Variants in SPATA17 observed in about 807,000 individuals in gnomAD.
The protein encoded by SPATA17 is spermatogenesis-associated protein 17.
A neutral mutation model predicts 62.2 loss-of-function variants in SPATA17; 53 were observed. That is an observed-to-expected ratio of 0.85 (90% CI 0.68 to 1.07). The LOEUF (loss-of-function observed/expected upper bound fraction) is 1.07. SPATA17 is among the 50% of genes least tolerant of loss of function. SPATA17 has a pLI of 0.00. For missense variants in SPATA17, 466 were observed against 425.5 expected (o/e 1.10, Z -0.84); for synonymous variants, 146 against 146.8 (o/e 0.99, Z 0.04).
intron 9 of SPATA17, among the ~76,000 whole-genome samples, chr1:217,830,104 T>C (rs1414766035): frequency 2.6e-5 from 4 of 152,104 alleles, no homozygotes; most frequent in Non-Finnish European, 5.9e-5. Flanking sequence ...CATCCAACTT[T>C]TATTACTTCT....
rs1216791009 is a variant in SPATA17 at position 217,809,504 on chromosome 1, T to C, written c.1005+7654T>C. On this transcript the variant is annotated intron_variant, in intron 9 of 10. Transcript: ENST00000366933. ...GCTTCTGGTGAGGGCTTTTGTGCTG[T>C]GTCATAACATGGTGGAGAAGGTCAA... Among the ~76,000 whole-genome samples the C allele has an allele frequency of 3.9e-5, 6 of 152,272 alleles. No homozygotes were observed. The East Asian group carries it at 1.2e-3, about 29-fold the overall frequency.
At chr1:217,819,223 C>A (rs773797042) in intron 9 of SPATA17, among the ~76,000 whole-genome samples, 19 of 150,340 alleles carry the variant, frequency 1.3e-4, no homozygotes, top group Non-Finnish European at 1.9e-4. Flanking sequence ...TTCTATTTTG[C>A]TTATTTTCTT....
chr1:217,827,896 G>T (rs1279322970), intron 9 of SPATA17, among the ~76,000 whole-genome samples: 5 of 152,130 alleles, frequency 3.3e-5, no homozygotes, highest in Non-Finnish European at 7.3e-5. Flanking sequence ...AGAGCAGGGA[G>T]AGGGTAGAGC....
chr1:217,865,285 A>G (rs1675984724), intron 10 of SPATA17, among the ~76,000 whole-genome samples: 1 of 152,204 alleles, frequency 6.6e-6, no homozygotes, highest in African/African-American at 2.4e-5. Context: ...TTCACCCGAC[A>G]TCGCCTTTTA....
Position 217,696,448 on chromosome 1 carries a change from G to T in SPATA17, c.395+13087G>T, listed in dbSNP as rs60995280. Among the ~76,000 whole-genome samples, 1,256 of 152,258 alleles carry T rather than the reference G, an allele frequency of 8.2e-3. 18 individuals are homozygous for T. Among genetic ancestry groups the T allele is most frequent in the African/African-American group, 0.028 (1,176 of 41,566 alleles). ...TCAGATGGAAATGCAGAAATCACCC[G>T]TCTTCTGCGTCGCTCCGCTCACGCT... is the stretch of plus-strand genomic sequence containing the variant. On this transcript the variant is annotated intron_variant, in intron 5 of 10. Coordinates refer to ENST00000366933, the MANE Select transcript of SPATA17 (RefSeq NM_138796.4).
At chr1:217,645,431 C>A (rs778064732) in intron 1 of SPATA17, among the ~76,000 whole-genome samples, 4 of 151,922 alleles carry the variant, frequency 2.6e-5, no homozygotes, top group Non-Finnish European at 5.9e-5. Flanking sequence ...TGTCTATGTG[C>A]CTTACTCATA....
chr1:217,631,394 C>T lies in SPATA17; in HGVS notation c.16C>T (p.Arg6Trp). MATLA[R>W]LQARSSTVGN... ...CCAAGAGACCATGGCCACGTTAGCC[C>T]GGCTGCAAGCTAGGTCGTCGACTGT... The change falls in exon 1 of 11, where the codon CGG becomes TGG. Residue 6 changes from arginine (R) to tryptophan (W), a missense_variant. Transcript: ENST00000366933. 1.2e-6 allele frequency: 2 copies of T among 1,614,118 alleles called. No homozygotes were observed. The highest frequency in any genetic ancestry group is 1.7e-6 in the Non-Finnish European group (2 of 1,180,014).
intron 3 of SPATA17, among the ~76,000 whole-genome samples, chr1:217,652,993 T>C (rs1307835154): frequency 6.6e-6 from 1 of 152,236 alleles, no homozygotes; most frequent in African/African-American, 2.4e-5. Flanking sequence ...TGGTAGTTTT[T>C]CATTTGTGAT....
chr1:217,666,108 A>G (rs946939003), intron 3 of SPATA17, among the ~76,000 whole-genome samples: 7 of 152,246 alleles, frequency 4.6e-5, no homozygotes, highest in African/African-American at 1.7e-4. Flanking sequence ...TACTTCTTTT[A>G]TACTTAATTT....
intron 9 of SPATA17, among the ~76,000 whole-genome samples, chr1:217,802,403 TG>T (rs1157943480): frequency 1.3e-5 from 2 of 152,212 alleles, no homozygotes; most frequent in Non-Finnish European, 2.9e-5. Context: ...ATACTCAGAC[TG>T]CCACAACAAA....
At chr1:217,773,110 GT>G (rs1233378813) in intron 6 of SPATA17, among the ~76,000 whole-genome samples, 1 of 152,186 alleles carries the variant, frequency 6.6e-6, no homozygotes, top group East Asian at 1.9e-4. Context: ...TCCAGCCTGG[GT>G]AGGTATTTGA....
chr1:217,652,226 T>C (rs968945724), intron 3 of SPATA17, among the ~76,000 whole-genome samples: 1 of 152,160 alleles, frequency 6.6e-6, no homozygotes, highest in African/African-American at 2.4e-5. Context: ...CCAGTCTGAG[T>C]ATAGTATGTC....
chr1:217,725,082 G>A (rs1340531902), intron 5 of SPATA17, among the ~76,000 whole-genome samples: 1 of 152,028 alleles, frequency 6.6e-6, no homozygotes, highest in Non-Finnish European at 1.5e-5. Flanking sequence ...ATATTTTAGA[G>A]TTACTTTTGT....
intron 6 of SPATA17, among the ~76,000 whole-genome samples, chr1:217,755,341 G>A (rs142903226): frequency 6.6e-6 from 1 of 152,076 alleles, no homozygotes; most frequent in East Asian, 1.9e-4. Flanking sequence ...AGTATCACAA[G>A]AGACAGTAAA....
At chr1:217,843,923 G>A (rs1238207072) in intron 9 of SPATA17, among the ~76,000 whole-genome samples, 1 of 152,114 alleles carries the variant, frequency 6.6e-6, no homozygotes, top group Non-Finnish European at 1.5e-5. Context: ...CTGTGACAGT[G>A]CTGGAAAATG....
intron 8 of SPATA17, among the ~76,000 whole-genome samples, chr1:217,783,733 C>T (rs979380659): frequency 6.6e-5 from 10 of 152,016 alleles, no homozygotes; most frequent in Non-Finnish European, 1.3e-4. Context: ...ATTGATATTT[C>T]TACAGAAATC....
chr1:217,663,259 A>G (rs528021131), intron 3 of SPATA17, among the ~76,000 whole-genome samples: 10 of 152,264 alleles, frequency 6.6e-5, no homozygotes, highest in African/African-American at 1.9e-4. Flanking sequence ...AACCTGGCCA[A>G]CTTAGTGAAA....
chr1:217,650,951 C>A, intron 2 of SPATA17, 146 bp from the exon 3 acceptor site: 1 of 590,738 alleles, frequency 1.7e-6, no homozygotes. Flanking sequence ...TTAATTCTAT[C>A]CCACAATAAC....
chr1:217,828,235 G>A (rs954947838), intron 9 of SPATA17, among the ~76,000 whole-genome samples: 1 of 151,746 alleles, frequency 6.6e-6, no homozygotes, highest in Non-Finnish European at 1.5e-5. Flanking sequence ...CAGAAACATA[G>A]ACCAACAGAA....
Sources: allele counts gnomAD v4.1 joint callset (sites outside exome capture counted in the v4.1 genomes callset), GRCh38; gene constraint gnomAD v4.1.1; transcripts MANE v1.5; gene names NCBI Gene and HGNC (gene_info 2026-07-23, HGNC 2026-07-21).